SDAD1: variants seen among roughly 807,000 people sequenced by gnomAD.
SDAD1 encodes SDA1 domain containing 1.
A neutral mutation model predicts 100.3 loss-of-function variants in SDAD1; 79 were observed. The observed-to-expected ratio is 0.79, with a 90% CI of 0.66 to 0.95. The LOEUF (loss-of-function observed/expected upper bound fraction) is 0.95. Ranked by LOEUF, SDAD1 falls within the 40% of genes least tolerant of loss-of-function variation. SDAD1 has a pLI of 0.00. For missense variants in SDAD1, 790 were observed against 810.9 expected (o/e 0.97, Z 0.31); for synonymous variants, 267 against 271.4 (o/e 0.98, Z 0.16).
At chr4:75,970,417 A>G in intron 9 of SDAD1, 39 bp from the exon 10 acceptor site, 2 of 1,471,178 alleles carry the variant, frequency 1.4e-6, no homozygotes, top group Non-Finnish European at 1.9e-6. Context: ...TCTGAGTTAC[A>G]GTGATGATGC....
At chr4:75,974,912 CA>C in intron 6 of SDAD1, among the ~76,000 whole-genome samples, 1 of 147,618 alleles carries the variant, frequency 6.8e-6, no homozygotes, top group Admixed American at 6.8e-5. Flanking sequence ...CATGGTGGTG[CA>C]TGCCTGTAGT....
intron 3 of SDAD1, among the ~76,000 whole-genome samples, chr4:75,978,908 G>T (rs940850662): frequency 4.1e-5 from 6 of 145,378 alleles, no homozygotes; most frequent in African/African-American, 1.5e-4. Flanking sequence ...GAGCCCAGAA[G>T]CTTGAGGCTG....
At chr4:75,975,554 T>C (rs191262470) in intron 6 of SDAD1, among the ~76,000 whole-genome samples, 190 bp downstream of exon 6, 110 of 152,160 alleles carry the variant, frequency 7.2e-4, no homozygotes, top group Non-Finnish European at 8.1e-4. Flanking sequence ...CCGACCTCAG[T>C]AGCTGCTCAA....
chr4:75,967,064 G>A lies in SDAD1; in HGVS notation c.1045+213C>T, dbSNP rs147705231. Among the ~76,000 whole-genome samples, 803 of 152,314 alleles carry A rather than the reference G, an allele frequency of 5.3e-3. 8 individuals carry two copies. The highest frequency in any genetic ancestry group is 0.019 in the African/African-American group (778 of 41,566). On this transcript the variant is annotated intron_variant, in intron 12 of 21. Transcript: ENST00000356260. ...TTACAGGCCTGAGCCACTGTGCCCG[G>A]CAGTTGTTGTTGTTTTAAAAAAACA...
At chr4:75,955,830 A>C in intron 21 of SDAD1, 145 bp downstream of exon 21, 2 of 926,686 alleles carry the variant, frequency 2.2e-6, no homozygotes, top group Non-Finnish European at 3.2e-6. Context: ...CATTAATGGG[A>C]ACTCTCCAAC....
intron 13 of SDAD1, among the ~76,000 whole-genome samples, chr4:75,965,329 C>G (rs950860861): frequency 1.2e-4 from 19 of 152,198 alleles, no homozygotes; most frequent in Non-Finnish European, 5.9e-5. Context: ...ACCCTGTCTC[C>G]TGATAAGATG....
intron 9 of SDAD1, 39 bp downstream of exon 9, chr4:75,971,318 C>T: frequency 1.5e-6 from 2 of 1,368,582 alleles, no homozygotes; most frequent in South Asian, 2.4e-5. Flanking sequence ...ATTCTTCACT[C>T]TAATCACTCC....
chr4:75,974,552 C>A (rs1464939370), intron 6 of SDAD1, among the ~76,000 whole-genome samples: 1 of 151,802 alleles, frequency 6.6e-6, no homozygotes, highest in African/African-American at 2.4e-5. Flanking sequence ...CCCATCTCTA[C>A]ACAAAATACA....
intron 4 of SDAD1, among the ~76,000 whole-genome samples, chr4:75,977,189 T>A (rs1730201833): frequency 1.3e-5 from 2 of 152,120 alleles, no homozygotes; most frequent in Admixed American, 1.3e-4. Flanking sequence ...AACAAAAAAG[T>A]TTTTTGTGGG....
chr4:75,955,070 G>C (rs1337168014), intron 21 of SDAD1, among the ~76,000 whole-genome samples: 1 of 152,132 alleles, frequency 6.6e-6, no homozygotes, highest in Non-Finnish European at 1.5e-5. Flanking sequence ...TTAATATCTT[G>C]CTAAACGTAG....
rs202155622 is a variant in SDAD1 at position 75,961,285 on chromosome 4, G to A, written c.1205C>T (p.Thr402Ile). Residue 402 changes from threonine to isoleucine, a missense_variant, in exon 15 of 22, where the codon ACA (threonine) becomes ATA (isoleucine). By Grantham distance (89) the Thr-to-Ile change is moderately conservative (BLOSUM62 -1). Transcript: ENST00000356260. Reference protein sequence around the residue: ...TVGINAIKEITARCPLAMTEE... With the variant: ...TVGINAIKEIIARCPLAMTEE... The stretch of plus-strand genomic sequence containing the variant: ...AGTCATGGCCAGAGGACATCGAGCT[G>A]TTATCTCCTTTATAGCATTGATTCT... 1.8e-4 allele frequency: 293 copies of A among 1,613,700 alleles called. 2 individuals carry two copies. In the East Asian group the frequency reaches 6.3e-3, roughly 35 times the overall value.
At chr4:75,963,285 G>GTACCAGTACCATGCTGTTTTGA (rs1198091346) in intron 14 of SDAD1, among the ~76,000 whole-genome samples, 2 of 151,740 alleles carry the variant, frequency 1.3e-5, no homozygotes, top group African/African-American at 4.9e-5. Flanking sequence ...TGCTGTTTTG[G>GTACCAGTACCATGCTGTTTTGA]TTACTGTAGC....
intron 7 of SDAD1, 42 bp from the exon 8 acceptor site, chr4:75,973,433 T>A: frequency 7.2e-7 from 1 of 1,398,054 alleles, no homozygotes; most frequent in South Asian, 1.2e-5. Flanking sequence ...TGATTCAGCT[T>A]AAAATAAAGA....
intron 10 of SDAD1, among the ~76,000 whole-genome samples, chr4:75,969,703 T>C (rs1729756326): frequency 6.6e-6 from 1 of 152,166 alleles, no homozygotes; most frequent in South Asian, 2.1e-4. Flanking sequence ...TCATTGGAAA[T>C]GCAGAAGCTC....
intron 21 of SDAD1, among the ~76,000 whole-genome samples, chr4:75,952,892 T>C (rs1728691497): frequency 6.6e-6 from 1 of 152,268 alleles, no homozygotes; most frequent in Non-Finnish European, 1.5e-5. Context: ...CTATTTTAGA[T>C]ATACTGGGTT....
intron 1 of SDAD1, among the ~76,000 whole-genome samples, chr4:75,985,182 T>C (rs1457395928): frequency 6.6e-6 from 1 of 152,128 alleles, no homozygotes; most frequent in Non-Finnish European, 1.5e-5. Context: ...ACACCCTTTA[T>C]GTGCATCAGT....
rs1417779683 is a variant in SDAD1 at position 75,964,707 on chromosome 4, T to C, written c.1105-496A>G. On this transcript the variant is annotated intron_variant, in intron 13 of 21. Coordinates refer to ENST00000356260, the MANE Select transcript of SDAD1 (RefSeq NM_018115.4). ...CGAATGGAGGAACCAGCTGAAGCCA[T>C]GGCAGAAGAACATAAATTGTGAAGA... 4.6e-5 allele frequency among the ~76,000 whole-genome samples: 7 copies of C among 152,318 alleles called. No homozygotes were observed. In the East Asian group the frequency reaches 7.7e-4, roughly 17 times the overall value.
Position 75,954,067 on chromosome 4 carries a change from T to A in SDAD1, c.2016+1908A>T, listed in dbSNP as rs141989048. Among the ~76,000 whole-genome samples, 143 of 152,054 alleles carry A rather than the reference T, an allele frequency of 9.4e-4. 1 individual carries two copies. Among genetic ancestry groups the A allele is most frequent in the African/African-American group, 3.3e-3 (137 of 41,490 alleles). On this transcript the variant is annotated intron_variant, in intron 21 of 21. Transcript: ENST00000356260. The stretch of plus-strand genomic sequence containing the variant: ...TTTCTGAGATATCACCACACAAAAT[T>A]ATTGGGTTTTGAAAAGTACCCACGC...
chr4:75,960,247 A>G, intron 16 of SDAD1, 55 bp from the exon 17 acceptor site: 1 of 1,394,910 alleles, frequency 7.2e-7, no homozygotes, highest in South Asian at 1.4e-5. Context: ...AACCTTAATC[A>G]TGAAAGGTAG....
Sources: allele counts gnomAD v4.1 joint callset (sites outside exome capture counted in the v4.1 genomes callset), GRCh38; gene constraint gnomAD v4.1.1; transcripts MANE v1.5; gene names NCBI Gene and HGNC (gene_info 2026-07-23, HGNC 2026-07-21).